The following PLD5 variants were observed in gnomAD, a reference collection of about 807,000 sequenced individuals.
PLD5 encodes the protein phospholipase D family member 5.
In PLD5, 36 loss-of-function variants were observed where a neutral mutation model predicts 61.1. The observed-to-expected ratio is 0.59, with a 90% CI of 0.45 to 0.78. The LOEUF is 0.78. Ranked by LOEUF, PLD5 falls within the 30% of genes least tolerant of loss-of-function variation. The pLI, the probability that PLD5 is intolerant of heterozygous loss-of-function variation, is 0.00. For synonymous variants in PLD5, 243 were observed against 242.8 expected (o/e 1.00, Z -0.01); for missense variants, 515 against 644.4 (o/e 0.80, Z 2.17).
intron 3 of PLD5, among the ~76,000 whole-genome samples, chr1:242,279,828 G>A (rs940472805): frequency 6.6e-6 from 1 of 152,140 alleles, no homozygotes; most frequent in South Asian, 2.1e-4. Context: ...CACCACGCCC[G>A]GCATCTCCTT....
At chr1:242,178,221 T>A (rs1667293646) in intron 5 of PLD5, 1 of 152,238 alleles carries the variant, frequency 6.6e-6, no homozygotes, top group Admixed American at 6.5e-5. Flanking sequence ...GCCATTTATA[T>A]GTTCATTATA....
intron 2 of PLD5, among the ~76,000 whole-genome samples, chr1:242,310,523 A>C (rs911916989): frequency 6.6e-6 from 1 of 152,218 alleles, no homozygotes; most frequent in African/African-American, 2.4e-5. Flanking sequence ...TTATGTATAC[A>C]CATGGTCACA....
chr1:242,220,717 T>TA (rs1558361443), intron 4 of PLD5, among the ~76,000 whole-genome samples: 2 of 62,588 alleles, frequency 3.2e-5, no homozygotes, highest in East Asian at 1.5e-3. Context: ...ATATTTTATT[T>TA]TATTTTATTT....
At chr1:242,093,137 G>A (rs1177062302) in intron 9 of PLD5, among the ~76,000 whole-genome samples, 1 of 152,300 alleles carries the variant, frequency 6.6e-6, no homozygotes, top group Admixed American at 6.5e-5. Flanking sequence ...TGGTGTCGCT[G>A]CCCAGAGACC....
At chr1:242,275,637 C>A (rs1361451466) in intron 3 of PLD5, among the ~76,000 whole-genome samples, 1 of 152,034 alleles carries the variant, frequency 6.6e-6, no homozygotes, top group Non-Finnish European at 1.5e-5. Flanking sequence ...CAAATACAGC[C>A]CAATATTCCA....
At chr1:242,275,422 T>C (rs568930225) in intron 3 of PLD5, among the ~76,000 whole-genome samples, 76 of 152,322 alleles carry the variant, frequency 5.0e-4, no homozygotes, top group Admixed American at 1.0e-3. Flanking sequence ...TTGTAGGATA[T>C]ACAAAGTTTG....
At chr1:242,365,754 C>A in intron 1 of PLD5, 1 of 211,354 alleles carries the variant, frequency 4.7e-6, no homozygotes, top group South Asian at 8.7e-5. Context: ...TGTCATTACT[C>A]AAGAAAAATT....
At chr1:242,242,821 A>G (rs2149066255) in intron 4 of PLD5, among the ~76,000 whole-genome samples, 1 of 152,346 alleles carries the variant, frequency 6.6e-6, no homozygotes, top group African/African-American at 2.4e-5. Context: ...TTAGAAAGTG[A>G]AAGAACTTTT....
chr1:242,475,628 T>G (rs1463481158), intron 1 of PLD5, among the ~76,000 whole-genome samples: 3 of 152,176 alleles, frequency 2.0e-5, no homozygotes, highest in Non-Finnish European at 2.9e-5. Context: ...TACTGTCATG[T>G]GCCCTGGGCT....
At chr1:242,435,194 A>G (rs1665930996) in intron 1 of PLD5, among the ~76,000 whole-genome samples, 1 of 150,438 alleles carries the variant, frequency 6.6e-6, no homozygotes, top group African/African-American at 2.5e-5. Flanking sequence ...CTACTTGCCA[A>G]AATTTTTTGT....
chr1:242,344,385 T>C (rs556364969), intron 2 of PLD5, among the ~76,000 whole-genome samples: 2 of 152,270 alleles, frequency 1.3e-5, no homozygotes, highest in African/African-American at 4.8e-5. Flanking sequence ...GGTGACTCCC[T>C]TGTGGCAGCA....
chr1:242,465,378 A>C (rs56177163), intron 1 of PLD5, among the ~76,000 whole-genome samples: 28,105 of 152,206 alleles, frequency 0.18, 3,096 homozygotes, highest in Non-Finnish European at 0.25. Flanking sequence ...TTATACTCTT[A>C]TCACCTTATA....
chr1:242,416,444 A>G (rs1664838657), intron 1 of PLD5, among the ~76,000 whole-genome samples: 2 of 152,202 alleles, frequency 1.3e-5, no homozygotes, highest in African/African-American at 4.8e-5. Flanking sequence ...AGTATGTTAC[A>G]TGACACAGAA....
chr1:242,083,977 A>G lies in PLD5; in HGVS notation c.*5877T>C, dbSNP rs1333109084. On this transcript the variant is annotated 3_prime_UTR_variant, in exon 10 of 10. Coordinates refer to ENST00000536534, the MANE Select transcript of PLD5 (RefSeq NM_001372062.1). ...GAATTTTCCGCCCATGGGGAATAGG[A>G]GAGTCCATAAGGGAATTAATAATTT... is the stretch of plus-strand genomic sequence containing the variant. The G allele has an allele frequency of 1.3e-5, 2 of 152,166 alleles. No homozygotes were observed. Among genetic ancestry groups the G allele is most frequent in the African/African-American group, 4.8e-5 (2 of 41,430 alleles). The allele number at this position is 152,166 out of a possible 1,614,324, so 9.4% of individuals were successfully genotyped here.
intron 8 of PLD5, among the ~76,000 whole-genome samples, chr1:242,107,224 C>A (rs919616637): frequency 1.3e-5 from 2 of 151,946 alleles, no homozygotes; most frequent in Admixed American, 6.6e-5. Flanking sequence ...GTTGGTAGTC[C>A]CAGCACTTTG....
intron 1 of PLD5, among the ~76,000 whole-genome samples, chr1:242,367,404 T>C (rs1469310987): frequency 6.6e-6 from 1 of 152,180 alleles, no homozygotes; most frequent in African/African-American, 2.4e-5. Context: ...TATATGGAGC[T>C]GATGGGCCAG....
At chr1:242,345,050 A>G (rs1660050286) in intron 2 of PLD5, among the ~76,000 whole-genome samples, 1 of 152,186 alleles carries the variant, frequency 6.6e-6, no homozygotes, top group Non-Finnish European at 1.5e-5. Context: ...GATGGCCCCC[A>G]TGATTCAATT....
chr1:242,264,100 A>G (rs890505172), intron 4 of PLD5, among the ~76,000 whole-genome samples: 2 of 152,014 alleles, frequency 1.3e-5, no homozygotes, highest in African/African-American at 4.8e-5. Flanking sequence ...AACCAAAAGT[A>G]ATCAATTCCT....
chr1:242,424,802 A>C (rs974529374), intron 1 of PLD5, among the ~76,000 whole-genome samples: 2 of 152,152 alleles, frequency 1.3e-5, no homozygotes, highest in South Asian at 4.1e-4. Flanking sequence ...AAAAACCTCA[A>C]AGAGCAAAAT....
Sources: allele counts gnomAD v4.1 joint callset (sites outside exome capture counted in the v4.1 genomes callset), GRCh38; gene constraint gnomAD v4.1.1; transcripts MANE v1.5; gene names NCBI Gene and HGNC (gene_info 2026-07-23, HGNC 2026-07-21).